The following RIPOR3 variants were observed in gnomAD, a reference collection of about 807,000 sequenced individuals.
The protein encoded by RIPOR3 is family with sequence similarity 65 member C.
Under a neutral mutation model 114.3 loss-of-function variants are expected in RIPOR3, and 95 were observed. The ratio of observed to expected loss-of-function variants is 0.83; its 90% CI spans 0.70 to 0.99. The LOEUF (loss-of-function observed/expected upper bound fraction) is 0.99, where lower values mean the gene tolerates loss of function less well. RIPOR3 is among the 50% of genes least tolerant of loss of function. The probability of loss-of-function intolerance (pLI) is 0.00; values close to 1 mark genes in which losing one functional copy is unlikely to be tolerated. For missense variants in RIPOR3, 1,252 were observed against 1,266.9 expected (o/e 0.99, Z 0.18); for synonymous variants, 575 against 543.8 (o/e 1.06, Z -0.80).
chr20:50,624,210 C>G (rs1232663458), intron 2 of RIPOR3, among the ~76,000 whole-genome samples: 4 of 152,228 alleles, frequency 2.6e-5, no homozygotes, highest in African/African-American at 9.6e-5. Flanking sequence ...CCCTTGCCCT[C>G]CCTGAGGCCC....
intron 1 of RIPOR3, among the ~76,000 whole-genome samples, chr20:50,657,748 CT>C (rs1272938455): frequency 1.3e-3 from 138 of 109,046 alleles, no homozygotes; most frequent in South Asian, 1.8e-3. Context: ...ATGTCTTTTA[CT>C]TTTTTTTTTT....
chr20:50,629,895 G>A (rs1176481971), intron 2 of RIPOR3, among the ~76,000 whole-genome samples: 1 of 152,162 alleles, frequency 6.6e-6, no homozygotes, highest in Admixed American at 6.5e-5. Flanking sequence ...CCCTGGGCCA[G>A]TTTTGCTGTG....
chr20:50,628,323 T>G (rs2084694901), intron 2 of RIPOR3, among the ~76,000 whole-genome samples: 2 of 152,000 alleles, frequency 1.3e-5, no homozygotes, highest in Non-Finnish European at 2.9e-5. Context: ...CAGGCTCCCC[T>G]CCACTGAGAA....
chr20:50,668,674 T>C (rs533796906), intron 1 of RIPOR3, among the ~76,000 whole-genome samples: 1 of 152,136 alleles, frequency 6.6e-6, no homozygotes, highest in African/African-American at 2.4e-5. Context: ...CTGGCCAACA[T>C]GGCAAAACTC....
intron 11 of RIPOR3, 42 bp downstream of exon 11, chr20:50,608,347 G>C (rs2083803160): frequency 1.2e-6 from 2 of 1,610,288 alleles, no homozygotes. Flanking sequence ...ACCAGGGGCA[G>C]CCAGCCAGGC....
intron 9 of RIPOR3, 54 bp from the exon 10 acceptor site, chr20:50,608,792 G>A: frequency 1.2e-6 from 2 of 1,612,384 alleles, no homozygotes; most frequent in Non-Finnish European, 1.7e-6. Context: ...TCCCCTTGCT[G>A]TCCGCCCAGG....
At chr20:50,613,760 G>A (rs2084055806) in intron 4 of RIPOR3, among the ~76,000 whole-genome samples, 1 of 152,216 alleles carries the variant, frequency 6.6e-6, no homozygotes, top group African/African-American at 2.4e-5. Flanking sequence ...AGTCCACGGG[G>A]TGAGACTCAC....
chr20:50,622,082 C>A (rs548130257), intron 2 of RIPOR3, among the ~76,000 whole-genome samples: 1 of 152,288 alleles, frequency 6.6e-6, no homozygotes, highest in East Asian at 1.9e-4. Flanking sequence ...CCTCTAAAGC[C>A]ATCAGCCAGG....
At chr20:50,689,950 A>G (rs1244219313) in intron 1 of RIPOR3, among the ~76,000 whole-genome samples, 2 of 152,236 alleles carry the variant, frequency 1.3e-5, no homozygotes, top group African/African-American at 2.4e-5. Flanking sequence ...CTGGAACCCC[A>G]GGGATTCCCC....
chr20:50,687,221 G>A (rs2087057177), intron 1 of RIPOR3, among the ~76,000 whole-genome samples: 2 of 152,230 alleles, frequency 1.3e-5, no homozygotes, highest in African/African-American at 4.8e-5. Context: ...GCATACCAGG[G>A]CCTGTGTCGC....
chr20:50,586,894 A>G lies in RIPOR3; in HGVS notation c.*338T>C, dbSNP rs921398313. 9 of 248,680 alleles carry G rather than the reference A, an allele frequency of 3.6e-5. No individual in the cohort carries two copies. Among genetic ancestry groups the G allele is most frequent in the African/African-American group, 1.8e-4 (8 of 45,418 alleles). 15.4% of individuals were successfully genotyped at this position (248,680 alleles called of 1,614,324 possible). A position where few individuals can be genotyped will look rare whatever the true frequency, so the allele number is the denominator to read the frequency against. ...TTGGAGCCTTTTATTTAGGGCCTCA[A>G]CTTGCCTGGCCTTGGCCCTTTTGTA... On this transcript the variant is annotated 3_prime_UTR_variant, in exon 22 of 22. Transcript: ENST00000327979.
chr20:50,660,786 G>T (rs1384159818), intron 1 of RIPOR3, among the ~76,000 whole-genome samples: 10 of 111,538 alleles, frequency 9.0e-5, no homozygotes, highest in African/African-American at 3.0e-4. Flanking sequence ...ACAGGGTCTT[G>T]CTCTGTCACC....
In RIPOR3 at chr20:50,672,942, C is replaced by T. The variant is rs114774505; in HGVS notation, c.3+18184G>A. ...CCAACCCATGGCAACTCACCTGTAG[C>T]GCATGGAGATTTGGGGGTAAACCCA... On this transcript the variant is annotated intron_variant, in intron 1 of 21. Transcript: ENST00000327979. Among the ~76,000 whole-genome samples the T allele has an allele frequency of 2.8e-3, 425 of 152,324 alleles. 2 individuals are homozygous for T. The highest frequency in any genetic ancestry group is 9.9e-3 in the African/African-American group (410 of 41,562).
At chr20:50,665,569 C>T (rs1442217579) in intron 1 of RIPOR3, among the ~76,000 whole-genome samples, 1 of 151,724 alleles carries the variant, frequency 6.6e-6, no homozygotes, top group Non-Finnish European at 1.5e-5. Flanking sequence ...TACAGGCACG[C>T]ACCACGACAC....
At chr20:50,625,809 T>C (rs1201313889) in intron 2 of RIPOR3, among the ~76,000 whole-genome samples, 1 of 152,180 alleles carries the variant, frequency 6.6e-6, no homozygotes, top group Non-Finnish European at 1.5e-5. Context: ...GTTTATCCTC[T>C]CATCTCTCTA....
chr20:50,672,352 C>T (rs899246454), intron 1 of RIPOR3, among the ~76,000 whole-genome samples: 2 of 152,166 alleles, frequency 1.3e-5, no homozygotes, highest in South Asian at 4.1e-4. Context: ...TTGGGGCCCC[C>T]TGCTGAGCTC....
At position 50,604,705 on chromosome 20, in the gene RIPOR3, C is replaced by T; in HGVS notation, c.1026G>A (p.Lys342=). 1 of 1,609,392 alleles carries T rather than the reference C, an allele frequency of 6.2e-7. No individual in the cohort carries two copies. Among genetic ancestry groups the T allele is most frequent in the Non-Finnish European group, 8.5e-7 (1 of 1,178,384 alleles). ...PTGKFSMGSR[K]GSLYNWTPPS... ...GGGGTGTCCAGTTGTACAAGGAGCCCTTCCTGCTGCCCATAGAAAACTTGC... is the reference window on the plus strand; with the variant it reads ...GGGGTGTCCAGTTGTACAAGGAGCCTTTCCTGCTGCCCATAGAAAACTTGC... The change falls in exon 12 of 22, where the codon AAG becomes AAA. Residue 342 remains lysine (K), a synonymous_variant. Transcript: ENST00000327979.
At chr20:50,648,788 T>C (rs1202649790) in intron 1 of RIPOR3, among the ~76,000 whole-genome samples, 1 of 152,036 alleles carries the variant, frequency 6.6e-6, no homozygotes, top group Non-Finnish European at 1.5e-5. Context: ...ATAGGGTTCG[T>C]GCTCCTGTGA....
chr20:50,625,009 G>A (rs768841752), intron 2 of RIPOR3, among the ~76,000 whole-genome samples: 5 of 152,140 alleles, frequency 3.3e-5, no homozygotes, highest in Non-Finnish European at 5.9e-5. Flanking sequence ...TGGCCACTGG[G>A]TGATGATGAC....
Sources: allele counts gnomAD v4.1 joint callset (sites outside exome capture counted in the v4.1 genomes callset), GRCh38; gene constraint gnomAD v4.1.1; transcripts MANE v1.5; gene names NCBI Gene and HGNC (gene_info 2026-07-23, HGNC 2026-07-21).